KDM6B: variants seen among roughly 807,000 people sequenced by gnomAD.
KDM6B encodes lysine-specific demethylase 6B.
In KDM6B, 22 loss-of-function variants were observed where a neutral mutation model predicts 150.4. The observed-to-expected ratio is 0.15, with a 90% CI of 0.10 to 0.21. KDM6B has a LOEUF of 0.21. Among genes scored for constraint, KDM6B ranks in the 10% least tolerant of loss-of-function variants. KDM6B has a pLI of 1.00. For missense variants in KDM6B, 1,984 were observed against 2,234.3 expected (o/e 0.89, Z 2.26); for synonymous variants, 1,148 against 921.1 (o/e 1.25, Z -4.46).
intron 21 of KDM6B, 29 bp from the exon 22 acceptor site, chr17:7,852,971 G>T: frequency 6.2e-7 from 1 of 1,613,334 alleles, no homozygotes; most frequent in Non-Finnish European, 8.5e-7. Context: ...CCTTGCCGGT[G>T]GTCTCAACAC....
Position 7,847,401 on chromosome 17 carries a change from T to TAGCAGC in KDM6B, c.1214_1219dup (p.Ser405_Ser406dup). On this transcript the variant is annotated inframe_insertion, in exon 11 of 24. Coordinates refer to ENST00000448097, the MANE Select transcript of KDM6B (RefSeq NM_001348716.2). Reference sequence around the variant, plus strand: ...CCGGCACCACCACCAGCAGCAGCAGTAGCAGCAGCAGCAACACTGGTCTCC... The same window carrying TAGCAGC: ...CCGGCACCACCACCAGCAGCAGCAGTAGCAGCAGCAGCAGCAGCAACACTGGTCTCC... The TAGCAGC allele has an allele frequency of 5.0e-6, 8 of 1,613,418 alleles. No homozygotes were observed. The South Asian group carries it at 8.8e-5, about 18-fold the overall frequency.
intron 13 of KDM6B, 47 bp downstream of exon 13, chr17:7,849,994 AAG>A (rs1257541899): frequency 6.2e-7 from 1 of 1,613,530 alleles, no homozygotes; most frequent in East Asian, 2.2e-5. Flanking sequence ...AGAGGGTTCT[AAG>A]ACAGTGTTGG....
Position 7,853,488 on chromosome 17 carries a change from CT to C in KDM6B, c.4909-9del, listed in dbSNP as rs2078746566. 6.6e-7 allele frequency: 1 copy of C among 1,504,576 alleles called. No homozygotes were observed. The highest frequency in any genetic ancestry group is 8.8e-7 in the Non-Finnish European group (1 of 1,133,904). The allele number at this position is 1,504,576 out of a possible 1,614,324, so 93.2% of individuals were successfully genotyped here. ...CTTTCCCTGAGCCCCCGCCGGCTTT[CT>C]CCCCCCAGGCCCCAGCCAGCACGTC... is the stretch of plus-strand genomic sequence containing the variant. On this transcript the variant is annotated splice_polypyrimidine_tract_variant and intron_variant, in intron 23 of 23. Coordinates refer to ENST00000448097, the MANE Select transcript of KDM6B (RefSeq NM_001348716.2).
At chr17:7,839,488 ACTGT>A (rs139744839) in intron 1 of KDM6B, among the ~76,000 whole-genome samples, 53 of 152,190 alleles carry the variant, frequency 3.5e-4, no homozygotes, top group African/African-American at 6.7e-4. Context: ...GGTGGGGTTG[ACTGT>A]CTGGTGTCTT....
At chr17:7,842,489 C>G (rs1305057888) in intron 2 of KDM6B, among the ~76,000 whole-genome samples, 1 of 152,208 alleles carries the variant, frequency 6.6e-6, no homozygotes, top group Non-Finnish European at 1.5e-5. Context: ...GGGTGTCAGT[C>G]TTTGTGCCTG....
At chr17:7,835,722 C>T (rs1198078723) in intron 1 of KDM6B, among the ~76,000 whole-genome samples, 1 of 152,234 alleles carries the variant, frequency 6.6e-6, no homozygotes, top group East Asian at 1.9e-4. Context: ...GGGACCCGCA[C>T]GTGCACTCCC....
chr17:7,836,382 T>G (rs934076256), intron 1 of KDM6B, among the ~76,000 whole-genome samples: 1 of 152,204 alleles, frequency 6.6e-6, no homozygotes, highest in African/African-American at 2.4e-5. Context: ...CCTCTCGCCG[T>G]GTCCTGGTTT....
In KDM6B at chr17:7,846,274, C is replaced by G. The variant is rs780132345; in HGVS notation, c.433C>G (p.Pro145Ala). The change falls in exon 7 of 24, where the codon CCC becomes GCC. Residue 145 changes from proline (P) to alanine (A), a missense_variant. Around this residue, in one of 13 missense-constraint regions of KDM6B, gnomAD observed 337 missense variants for 323.9 expected, o/e 1.04. Coordinates refer to ENST00000448097, the MANE Select transcript of KDM6B (RefSeq NM_001348716.2). Reference sequence around the variant, plus strand: ...CGGAGGAAGCTTCGCTGAGCTGGGGCCCCGCATTGGCCGACTGCAGCAGGT... The same window carrying G: ...CGGAGGAAGCTTCGCTGAGCTGGGGGCCCGCATTGGCCGACTGCAGCAGGT... ...RYGGSFAELG[P>A]RIGRLQQAQL... 6.2e-7 allele frequency: 1 copy of G among 1,613,504 alleles called. No individual in the cohort carries two copies. Among genetic ancestry groups the G allele is most frequent in the South Asian group, 1.1e-5 (1 of 90,996 alleles).
chr17:7,846,067 C>A lies in KDM6B; in HGVS notation c.237-11C>A, dbSNP rs897428974. On this transcript the variant is annotated splice_polypyrimidine_tract_variant and intron_variant, in intron 6 of 23. Coordinates refer to ENST00000448097, the MANE Select transcript of KDM6B (RefSeq NM_001348716.2). ...ACCCCCACCCACACCCCCACCCCTT[C>A]TGCTCTGTAGGGCGCCCACTCCAAG... 2 of 759,500 alleles carry A rather than the reference C, an allele frequency of 2.6e-6. No individual in the cohort carries two copies. Among genetic ancestry groups the A allele is most frequent in the African/African-American group, 1.9e-5 (1 of 52,134 alleles). 47.0% of individuals were successfully genotyped at this position (759,500 alleles called of 1,614,324 possible).
Position 7,848,786 on chromosome 17 carries a change from C to A in KDM6B, c.2498C>A (p.Pro833His). ...AAVSTRPGPL[P>H]TTQYSPGPPS... ...GTTTCCACCCGGCCTGGGCCCTTGC[C>A]CACCACTCAGTATTCCCCTGGCCCC... The change falls in exon 12 of 24, where the codon CCC becomes CAC. Residue 833 changes from proline (P) to histidine (H), a missense_variant. Transcript: ENST00000448097. 6.2e-7 allele frequency: 1 copy of A among 1,612,856 alleles called. No individual in the cohort carries two copies. The highest frequency in any genetic ancestry group is 8.5e-7 in the Non-Finnish European group (1 of 1,180,014).
chr17:7,849,978 C>T (rs765741901), intron 13 of KDM6B, 31 bp downstream of exon 13: 4 of 1,613,472 alleles, frequency 2.5e-6, no homozygotes, highest in African/African-American at 2.7e-5. Flanking sequence ...CAGAACCACC[C>T]CTGCCAGAGG....
Position 7,846,655 on chromosome 17 carries a change from T to C in KDM6B, c.626T>C (p.Val209Ala). 2 of 1,614,084 alleles carry C rather than the reference T, an allele frequency of 1.2e-6. No homozygotes were observed. Among genetic ancestry groups the C allele is most frequent in the Non-Finnish European group, 1.7e-6 (2 of 1,179,982 alleles). Residue 209 changes from valine (V) to alanine (A), a missense_variant, in exon 9 of 24, where the codon GTG (valine) becomes GCG (alanine). Val to Ala is a moderately conservative substitution (Grantham distance 64). This residue lies in a region of KDM6B where 337 missense variants were observed against 323.9 expected (regional missense o/e 1.04). Coordinates refer to ENST00000448097, the MANE Select transcript of KDM6B (RefSeq NM_001348716.2). ...GCTGAACCCCCAGTGGTGCAGCCTG[T>C]GCCTCCTGCAGCACTCTCAGGCCCC... ...RAAEPPVVQPVPPAALSGPSG... is the reference protein window; with the variant it reads ...RAAEPPVVQPAPPAALSGPSG...
At chr17:7,852,707 C>T in intron 21 of KDM6B, 71 bp downstream of exon 21, 2 of 1,595,018 alleles carry the variant, frequency 1.3e-6, no homozygotes, top group South Asian at 1.1e-5. Flanking sequence ...CTGTCTGACT[C>T]CACCCCATTT....
At chr17:7,840,816 A>G (rs1597822324) in intron 2 of KDM6B, 1 of 152,192 alleles carries the variant, frequency 6.6e-6, no homozygotes, top group Admixed American at 6.5e-5. Context: ...TGTTAACTGA[A>G]TGAGCTTCAT....
At chr17:7,852,709 AC>A (rs201215818) in intron 21 of KDM6B, 73 bp downstream of exon 21, 3 of 1,593,170 alleles carry the variant, frequency 1.9e-6, no homozygotes, top group Non-Finnish European at 1.7e-6. Flanking sequence ...GTCTGACTCC[AC>A]CCCATTTTTA....
In KDM6B at chr17:7,853,619, G is replaced by T; in HGVS notation, c.*98G>T. The T allele has an allele frequency of 1.1e-6, 1 of 939,620 alleles. No homozygotes were observed. Among genetic ancestry groups the T allele is most frequent in the South Asian group, 2.4e-5 (1 of 40,876 alleles). 58.2% of individuals were successfully genotyped at this position (939,620 alleles called of 1,614,324 possible). On this transcript the variant is annotated 3_prime_UTR_variant, in exon 24 of 24. Coordinates refer to ENST00000448097, the MANE Select transcript of KDM6B (RefSeq NM_001348716.2). ...CTAGGTCCCGCCTGTGGCCGAGAAG[G>T]GGGTCGGGCCCAGCCCTTCCACCCC...
At chr17:7,837,341 C>T (rs1159006209) in intron 1 of KDM6B, among the ~76,000 whole-genome samples, 1 of 152,072 alleles carries the variant, frequency 6.6e-6, no homozygotes, top group Non-Finnish European at 1.5e-5. Context: ...TAATGGCACA[C>T]CCCCATCTGC....
At chr17:7,853,420 C>A in intron 23 of KDM6B, 40 bp downstream of exon 23, 1 of 1,531,850 alleles carries the variant, frequency 6.5e-7, no homozygotes, top group South Asian at 1.2e-5. Flanking sequence ...GAGGAGGGCA[C>A]TGGGGCAGGC....
intron 1 of KDM6B, among the ~76,000 whole-genome samples, chr17:7,837,284 G>A (rs1405455872): frequency 6.7e-6 from 1 of 148,880 alleles, no homozygotes; most frequent in Non-Finnish European, 1.5e-5. Flanking sequence ...GTTGTGTGTA[G>A]TATGGGGGGG....
Sources: gnomAD v4.1 joint callset for allele counts (sites outside exome capture counted in the v4.1 genomes callset) on GRCh38, gnomAD v4.1.1 for gene constraint, gnomAD v4.1.1 regional missense constraint, MANE v1.5 for transcripts, NCBI Gene and HGNC (gene_info 2026-07-23, HGNC 2026-07-21) for gene names.